The following INAVA variants were observed in gnomAD, a reference collection of about 807,000 sequenced individuals.
INAVA encodes the protein innate immunity activator, also known as innate immunity activator protein.
A neutral mutation model predicts 55.3 loss-of-function variants in INAVA; 32 were observed. The observed-to-expected ratio is 0.58, with a 90% confidence interval of 0.44 to 0.78. The LOEUF is 0.78. INAVA is among the 30% of genes least tolerant of loss of function. INAVA has a pLI of 0.00. For synonymous variants in INAVA, 294 were observed against 329.4 expected (o/e 0.89, Z 1.16); for missense variants, 756 against 786.4 (o/e 0.96, Z 0.46).
chr1:200,911,794 C>A lies in INAVA; in HGVS notation c.1301C>A (p.Ala434Glu), dbSNP rs1175012078. The A allele has an allele frequency of 1.2e-6, 2 of 1,608,666 alleles. No homozygotes were observed. Among genetic ancestry groups the A allele is most frequent in the East Asian group, 2.2e-5 (1 of 44,758 alleles). Residue 434 changes from alanine (A) to glutamate (E), a missense_variant, in exon 9 of 10, where the codon GCG becomes GAG. Transcript: ENST00000413687. ...KLLLPPGYFP[A>E]GRYVVVAESP... The stretch of plus-strand genomic sequence containing the variant: ...CTGCTGCCGCCTGGCTATTTCCCGG[C>A]GGGGCGGTACGTGGTGGTGGCTGAG...
At chr1:200,898,931 A>G (rs1398167147) in intron 2 of INAVA, among the ~76,000 whole-genome samples, 1 of 152,178 alleles carries the variant, frequency 6.6e-6, no homozygotes, top group African/African-American at 2.4e-5. Flanking sequence ...GTGAGCCGAG[A>G]TCGCGGCATT....
intron 4 of INAVA, 30 bp downstream of exon 4, chr1:200,900,250 C>A: frequency 6.3e-7 from 1 of 1,583,120 alleles, no homozygotes; most frequent in South Asian, 1.1e-5. Flanking sequence ...TGCCAGTACC[C>A]CTCGATCCCC....
chr1:200,912,257 T>C, intron 9 of INAVA, 120 bp downstream of exon 9: 1 of 989,586 alleles, frequency 1.0e-6, no homozygotes, highest in Non-Finnish European at 1.4e-6. Flanking sequence ...AGTGGCCGGG[T>C]AATCCCCGTC....
chr1:200,904,716 C>G (rs1406287209), intron 5 of INAVA, among the ~76,000 whole-genome samples: 1 of 150,634 alleles, frequency 6.6e-6, no homozygotes, highest in Non-Finnish European at 1.5e-5. Context: ...CTCTCAGAAA[C>G]CTGAATCTTT....
intron 5 of INAVA, among the ~76,000 whole-genome samples, chr1:200,905,740 T>A (rs948943250): frequency 1.3e-5 from 2 of 152,360 alleles, no homozygotes; most frequent in South Asian, 2.1e-4. Flanking sequence ...AAACATTTAT[T>A]TACAAAAGCA....
chr1:200,912,174 G>A (rs2102318184), intron 9 of INAVA, 37 bp downstream of exon 9: 1 of 1,515,940 alleles, frequency 6.6e-7, no homozygotes, highest in South Asian at 1.2e-5. Context: ...GGCCAGGCAG[G>A]AGGGCTGTTT....
intron 3 of INAVA, 62 bp downstream of exon 3, chr1:200,899,659 T>A: frequency 6.3e-7 from 1 of 1,584,526 alleles, no homozygotes; most frequent in East Asian, 2.3e-5. Context: ...GAGCCACGTG[T>A]GGGGATGCGG....
Position 200,900,124 on chromosome 1 carries a change from A to G in INAVA, c.201A>G (p.Pro67=), listed in dbSNP as rs762833870. The part of the protein sequence containing the change: ...LREAELTGTL[P]AEYPLKPGEK... ...CCCAGGAGCTGACGGGCACCTTGCC[A>G]GCGGAGTATCCCCTCAAACCAGGGG... The change falls in exon 4 of 10, where the codon CCA becomes CCG. Residue 67 remains proline, a synonymous_variant. Transcript: ENST00000413687. 6.2e-7 allele frequency: 1 copy of G among 1,613,568 alleles called. No homozygotes were observed. The highest frequency in any genetic ancestry group is 8.5e-7 in the Non-Finnish European group (1 of 1,179,690).
At chr1:200,891,724 A>G (rs891995579), upstream of INAVA, 8 of 1,434,842 alleles carry the variant, frequency 5.6e-6, no homozygotes, top group African/African-American at 1.0e-4. Context: ...ACTTCGGGGC[A>G]CCCAGTGCGG....
chr1:200,899,653 C>T, intron 3 of INAVA, 56 bp downstream of exon 3: 1 of 1,593,510 alleles, frequency 6.3e-7, no homozygotes, highest in Non-Finnish European at 8.5e-7. Context: ...GCTGTGGAGC[C>T]ACGTGTGGGG....
At position 200,907,853 on chromosome 1, in the gene INAVA, C is replaced by T. The variant is rs1653559976; in HGVS notation, c.540C>T (p.Asp180=). 3 of 1,612,736 alleles carry T rather than the reference C, an allele frequency of 1.9e-6. No individual in the cohort carries two copies. Among genetic ancestry groups the T allele is most frequent in the Non-Finnish European group, 2.5e-6 (3 of 1,178,932 alleles). Residue 180 remains aspartate (D), a synonymous_variant, in exon 6 of 10, where the codon GAC becomes GAT. Coordinates refer to ENST00000413687, the MANE Select transcript of INAVA (RefSeq NM_001142569.3). ...TCGCAGAGCTCAGTGCCTCTGATGA[C>T]AGCTCCCTGTCAGATGGGCTCCTCC... ...PLGRELSASD[D]SSLSDGLLLE...
chr1:200,905,837 T>C (rs1264508361), intron 5 of INAVA, among the ~76,000 whole-genome samples: 1 of 152,262 alleles, frequency 6.6e-6, no homozygotes, highest in East Asian at 1.9e-4. Context: ...TTTTACTTTT[T>C]TTGAAACTTC....
rs753770218 is a variant in INAVA at position 200,899,496 on chromosome 1, A to G, written c.79A>G (p.Met27Val). The G allele has an allele frequency of 7.1e-5, 114 of 1,613,918 alleles. No individual in the cohort carries two copies. The highest frequency in any genetic ancestry group is 4.0e-4 in the African/African-American group (30 of 74,906). ...QSGPDSPVSP[M>V]KELTHAVHKQ... ...AGGCCCCGACAGCCCGGTCTCCCCA[A>G]TGAAGGAGCTGACCCATGCAGTGCA... The change falls in exon 3 of 10, where the codon ATG becomes GTG. Residue 27 changes from methionine to valine, a missense_variant. Physicochemically the swap from Met to Val is conservative, Grantham distance 21 (BLOSUM62 1). This residue lies in a region of INAVA where 639 missense variants were observed against 624.3 expected (regional missense o/e 1.02). Transcript: ENST00000413687.
At chr1:200,892,936 C>T (rs1378980070), upstream of INAVA, among the ~76,000 whole-genome samples, 1 of 152,162 alleles carries the variant, frequency 6.6e-6, no homozygotes, top group African/African-American at 2.4e-5. Context: ...TACTAACCTC[C>T]CCTGAAGTCA....
At chr1:200,898,276 T>C (rs1374552935) in intron 1 of INAVA, 31 bp from the exon 2 acceptor site, 3 of 1,602,590 alleles carry the variant, frequency 1.9e-6, no homozygotes, top group Non-Finnish European at 2.6e-6. Context: ...ATATCTAGCT[T>C]TTTTGTTATT....
Position 200,908,948 on chromosome 1 carries a change from T to TC in INAVA, c.785+9dup. On this transcript the variant is annotated intron_variant, in intron 7 of 9. Transcript: ENST00000413687. Reference sequence around the variant, plus strand: ...GCCCTGGAGCGAGTCCAGGTCAGGATCAGGGGGAAGGGAGAAGGGCAGGGC... The same window carrying TC: ...GCCCTGGAGCGAGTCCAGGTCAGGATCCAGGGGGAAGGGAGAAGGGCAGGGC... 1 of 1,610,012 alleles carries TC rather than the reference T, an allele frequency of 6.2e-7. No homozygotes were observed. Among genetic ancestry groups the TC allele is most frequent in the Non-Finnish European group, 8.5e-7 (1 of 1,178,282 alleles).
Position 200,913,759 on chromosome 1 carries a change from A to T in INAVA, c.*130A>T, listed in dbSNP as rs1245515537. ...TGACCTGGAGCTGAGACCTTTTATT[A>T]TTTTTTTTTTACACGACTTTTTTCA... On this transcript the variant is annotated 3_prime_UTR_variant, in exon 10 of 10. Transcript: ENST00000413687. 6.3e-5 allele frequency: 36 copies of T among 569,664 alleles called. No homozygotes were observed. Among genetic ancestry groups the T allele is most frequent in the Middle Eastern group, 4.9e-4 (1 of 2,022 alleles). 35.3% of individuals were successfully genotyped at this position (569,664 alleles called of 1,614,324 possible). A position where few individuals can be genotyped will look rare whatever the true frequency, so the allele number is the denominator to read the frequency against.
At chr1:200,892,877 T>A (rs984614658), upstream of INAVA, among the ~76,000 whole-genome samples, 1 of 152,126 alleles carries the variant, frequency 6.6e-6, no homozygotes, top group Non-Finnish European at 1.5e-5. Flanking sequence ...GAGCAAGGTG[T>A]TTTTGAGAAT....
intron 4 of INAVA, 89 bp downstream of exon 4, chr1:200,900,309 T>A: frequency 8.5e-7 from 1 of 1,182,008 alleles, no homozygotes; most frequent in Non-Finnish European, 1.2e-6. Context: ...CCTGGCAGGT[T>A]CCCTTCCACC....
Sources: gnomAD v4.1 joint callset for allele counts (sites outside exome capture counted in the v4.1 genomes callset) on GRCh38, gnomAD v4.1.1 for gene constraint, gnomAD v4.1.1 regional missense constraint, MANE v1.5 for transcripts, NCBI Gene and HGNC (gene_info 2026-07-23, HGNC 2026-07-21) for gene names.